The following GFRA2 variants were observed in gnomAD, a reference collection of about 807,000 sequenced individuals.
GFRA2 encodes GDNF family receptor alpha 2.
A neutral mutation model predicts 48.3 loss-of-function variants in GFRA2; 17 were observed. That is an observed-to-expected ratio of 0.35 (90% CI 0.24 to 0.53). The LOEUF is 0.53. Ranked by LOEUF, GFRA2 falls within the 20% of genes least tolerant of loss-of-function variation. The pLI is 0.93. For missense variants in GFRA2, 660 were observed against 637.3 expected, an observed-to-expected ratio of 1.04 and a Z score of -0.38; for synonymous variants, 305 against 257.2, an observed-to-expected ratio of 1.19 and a Z score of -1.78.
chr8:21,750,141 T>C lies in GFRA2; in HGVS notation c.794+447A>G, dbSNP rs1252370056. 6.8e-6 allele frequency among the ~76,000 whole-genome samples: 1 copy of C among 148,002 alleles called. No individual in the cohort carries two copies. Among genetic ancestry groups the C allele is most frequent in the Admixed American group, 6.7e-5 (1 of 14,954 alleles). On this transcript the variant is annotated intron_variant, in intron 4 of 8. Transcript: ENST00000524240. The surrounding 1 kb of genome is among the most constrained non-coding windows in gnomAD (Gnocchi z 5.7). ...TATATAGGTAGAGACTGAGTTTTGC[T>C]ATGTTGCCCAGGATGGTCTCAAACT...
At chr8:21,764,830 T>C (rs74219572) in intron 3 of GFRA2, among the ~76,000 whole-genome samples, 38,519 of 152,130 alleles carry the variant, frequency 0.25, 5,594 homozygotes, top group African/African-American at 0.39. Context: ...CCTTGACCAC[T>C]ACCCAGCCCC....
At chr8:21,800,304 T>G (rs1807747646) in intron 2 of GFRA2, among the ~76,000 whole-genome samples, 1 of 152,200 alleles carries the variant, frequency 6.6e-6, no homozygotes, top group Non-Finnish European at 1.5e-5. Flanking sequence ...AAGGCCCTAA[T>G]GTAAAATAAT....
intron 3 of GFRA2, among the ~76,000 whole-genome samples, chr8:21,768,449 G>A (rs889233301): frequency 6.6e-5 from 10 of 152,132 alleles, no homozygotes; most frequent in Admixed American, 1.3e-4. Flanking sequence ...GGGCGGCCTC[G>A]GAAGGGGGTC....
At chr8:21,737,736 G>A (rs1804542531) in intron 4 of GFRA2, among the ~76,000 whole-genome samples, 1 of 152,040 alleles carries the variant, frequency 6.6e-6, no homozygotes, top group Admixed American at 6.5e-5. Flanking sequence ...GCAGGACCCT[G>A]TCTCCACACC....
intron 6 of GFRA2, among the ~76,000 whole-genome samples, chr8:21,703,664 TC>T (rs912920445): frequency 1.3e-5 from 2 of 152,128 alleles, no homozygotes; most frequent in African/African-American, 4.8e-5. Flanking sequence ...TCTACCCTGG[TC>T]CCCCATGTCA....
intron 3 of GFRA2, among the ~76,000 whole-genome samples, chr8:21,759,472 GGGAAAGAA>G (rs1157670304): frequency 6.1e-4 from 65 of 107,092 alleles, no homozygotes; most frequent in Middle Eastern, 4.7e-3. Flanking sequence ...GAGGGAGGGA[GGGAAAGAA>G]GGAAAGAAGG....
chr8:21,736,029 G>C (rs368299576), intron 4 of GFRA2, among the ~76,000 whole-genome samples: 2 of 152,192 alleles, frequency 1.3e-5, no homozygotes, highest in Non-Finnish European at 2.9e-5. Flanking sequence ...TGGTTCACTC[G>C]GGCTCCCTCT....
chr8:21,811,137 C>A (rs1279598005), intron 1 of GFRA2, among the ~76,000 whole-genome samples: 1 of 152,208 alleles, frequency 6.6e-6, no homozygotes, highest in East Asian at 1.9e-4. Flanking sequence ...ACACAGCCGG[C>A]ATGGGCAGCC....
chr8:21,736,050 C>G (rs35422402), intron 4 of GFRA2, among the ~76,000 whole-genome samples: 17,502 of 152,288 alleles, frequency 0.11, 1,129 homozygotes, highest in Middle Eastern at 0.26. Flanking sequence ...CCTCCCTTCA[C>G]CTTGGGAAGT....
chr8:21,705,035 T>C lies in GFRA2; in HGVS notation c.995A>G (p.Glu332Gly), dbSNP rs1314402932. The change falls in exon 6 of 9, where the codon GAG becomes GGG. Residue 332 changes from glutamate to glycine, a missense_variant. Physicochemically the swap from Glu to Gly is moderately conservative, Grantham distance 98. Transcript: ENST00000524240. ...WCSCRGSGNMEEECEKFLRDF... is the reference protein window; with the variant it reads ...WCSCRGSGNMGEECEKFLRDF... ...CCTGAGGAACTTCTCACACTCCTCC[T>C]CCATGTTCCCGCTGCCACGACAGCT... 2 of 1,610,746 alleles carry C rather than the reference T, an allele frequency of 1.2e-6. No homozygotes were observed.
Position 21,733,755 on chromosome 8 carries a change from G to A in GFRA2, c.794+16833C>T, listed in dbSNP as rs115739903. Among the ~76,000 whole-genome samples, 56 of 152,296 alleles carry A rather than the reference G, an allele frequency of 3.7e-4. 1 individual carries two copies. In the East Asian group the frequency reaches 9.6e-3, roughly 26 times the overall value. On this transcript the variant is annotated intron_variant, in intron 4 of 8. Transcript: ENST00000524240. ...ACTTTATGACTATTGATGGGATAGA[G>A]GCTGAGGTTTGATGACCATTTAATA...
intron 2 of GFRA2, among the ~76,000 whole-genome samples, chr8:21,801,819 G>A (rs916262799): frequency 6.6e-6 from 1 of 152,020 alleles, no homozygotes; most frequent in African/African-American, 2.4e-5. Context: ...GGTGCTGCCC[G>A]CAGCCCTCGC....
rs1802145398 is a variant in GFRA2 at position 21,695,966 on chromosome 8, C to T, written c.1219-1449G>A. 2.0e-5 allele frequency among the ~76,000 whole-genome samples: 3 copies of T among 152,156 alleles called. No homozygotes were observed. In the South Asian group the frequency reaches 6.2e-4, roughly 32 times the overall value. On this transcript the variant is annotated intron_variant, in intron 7 of 8. Coordinates refer to ENST00000524240, the MANE Select transcript of GFRA2 (RefSeq NM_001495.5). ...TTGTTTCAGGTGTGGCAGGCCAGTC[C>T]CCGCCCTTTCTGGGAGTCCATGTCT...
In GFRA2 at chr8:21,750,634, T is replaced by G. The variant is rs768469113; in HGVS notation, c.748A>C (p.Asn250His). Residue 250 changes from asparagine to histidine, a missense_variant, in exon 4 of 9, where the codon AAC becomes CAC. Physicochemically the swap from Asn to His is moderately conservative, Grantham distance 68. Coordinates refer to ENST00000524240, the MANE Select transcript of GFRA2 (RefSeq NM_001495.5). The surrounding 1 kb of genome is among the most constrained non-coding windows in gnomAD (Gnocchi z 5.7). Reference protein sequence around the residue: ...SCSYEDKEKPNCLDLRGVCRT... With the variant: ...SCSYEDKEKPHCLDLRGVCRT... ...CACACGCCACGCAGGTCCAGGCAGTTGGGCTTCTCCTTGTCCTCATAGGAG... is the reference window on the plus strand; with the variant it reads ...CACACGCCACGCAGGTCCAGGCAGTGGGGCTTCTCCTTGTCCTCATAGGAG... 3 of 1,613,352 alleles carry G rather than the reference T, an allele frequency of 1.9e-6. No individual in the cohort carries two copies. The Admixed American group carries it at 5.0e-5, about 27-fold the overall frequency.
chr8:21,787,455 C>G (rs1306608931), intron 1 of GFRA2, among the ~76,000 whole-genome samples: 1 of 152,192 alleles, frequency 6.6e-6, no homozygotes, highest in East Asian at 1.9e-4. Flanking sequence ...TGCTCACAAC[C>G]CTCCGCTCCC....
intron 4 of GFRA2, among the ~76,000 whole-genome samples, chr8:21,730,039 T>C (rs562395800): frequency 4.0e-5 from 6 of 151,704 alleles, no homozygotes; most frequent in African/African-American, 1.2e-4. Flanking sequence ...GGGCCTCTCT[T>C]GGTGGGAGGG....
chr8:21,699,928 G>T (rs998085700), intron 7 of GFRA2, among the ~76,000 whole-genome samples: 1 of 152,218 alleles, frequency 6.6e-6, no homozygotes, highest in Non-Finnish European at 1.5e-5. Context: ...GGCCTCTGGG[G>T]GCCCTGGCCT....
chr8:21,742,800 A>G lies in GFRA2; in HGVS notation c.794+7788T>C, dbSNP rs545138096. On this transcript the variant is annotated intron_variant, in intron 4 of 8. Transcript: ENST00000524240. ...ACCACTCAGAGATGCCTGGGTCCTC[A>G]AGCACAACTCCACAAGTGGGAGCCT... Among the ~76,000 whole-genome samples, 15 of 152,278 alleles carry G rather than the reference A, an allele frequency of 9.9e-5. No individual in the cohort carries two copies. In the South Asian group the frequency reaches 2.9e-3, roughly 29 times the overall value.
At chr8:21,734,723 G>A (rs1312106091) in intron 4 of GFRA2, among the ~76,000 whole-genome samples, 1 of 152,226 alleles carries the variant, frequency 6.6e-6, no homozygotes, top group African/African-American at 2.4e-5. Context: ...CTCCTTAGCT[G>A]GATGACACTG....
Sources: allele counts gnomAD v4.1 joint callset (sites outside exome capture counted in the v4.1 genomes callset), GRCh38; gene constraint gnomAD v4.1.1; non-coding constraint Gnocchi (gnomAD v3.1); transcripts MANE v1.5; gene names NCBI Gene and HGNC (gene_info 2026-07-23, HGNC 2026-07-21).